The following PTPRM variants were observed in gnomAD, a reference collection of about 807,000 sequenced individuals.
PTPRM encodes receptor-type tyrosine-protein phosphatase mu.
PTPRM carries 47 observed loss-of-function variants against 186.7 expected under a neutral mutation model. The ratio of observed to expected loss-of-function variants is 0.25; its 90% CI spans 0.20 to 0.32. The LOEUF is 0.32. Ranked by LOEUF, PTPRM falls within the 10% of genes least tolerant of loss-of-function variation. PTPRM has a pLI of 1.00. For synonymous variants in PTPRM, 668 were observed against 674.9 expected (o/e 0.99, Z 0.16); for missense variants, 1,494 against 1,865.0 (o/e 0.80, Z 3.66).
At chr18:7,624,995 C>T (rs185047294) in intron 1 of PTPRM, among the ~76,000 whole-genome samples, 1 of 152,308 alleles carries the variant, frequency 6.6e-6, no homozygotes, top group African/African-American at 2.4e-5. Flanking sequence ...GCTGTTCCTC[C>T]ATTAGCTACT....
At chr18:7,893,438 A>G (rs544782209) in intron 3 of PTPRM, among the ~76,000 whole-genome samples, 27 of 152,338 alleles carry the variant, frequency 1.8e-4, no homozygotes, top group Middle Eastern at 3.4e-3. Context: ...TATAATGAAA[A>G]TAAAAAGCCC....
chr18:7,866,384 G>A (rs77926093), intron 2 of PTPRM, among the ~76,000 whole-genome samples: 1 of 152,114 alleles, frequency 6.6e-6, no homozygotes, highest in Non-Finnish European at 1.5e-5. Context: ...CTGGTATGTT[G>A]TGTCTGTGTT....
At chr18:8,124,010 T>C (rs2092262853) in intron 13 of PTPRM, among the ~76,000 whole-genome samples, 1 of 152,196 alleles carries the variant, frequency 6.6e-6, no homozygotes, top group Non-Finnish European at 1.5e-5. Flanking sequence ...GTTTTCACTC[T>C]AAAACTCGCC....
At chr18:8,244,293 A>G (rs2094458026) in intron 15 of PTPRM, 84 bp downstream of exon 15, 1 of 1,345,616 alleles carries the variant, frequency 7.4e-7, no homozygotes, top group Non-Finnish European at 9.8e-7. Flanking sequence ...TCAAAAAAAA[A>G]AAAAGCTTCC....
At chr18:8,104,001 A>G (rs897771453) in intron 11 of PTPRM, among the ~76,000 whole-genome samples, 1 of 152,226 alleles carries the variant, frequency 6.6e-6, no homozygotes, top group Non-Finnish European at 1.5e-5. Flanking sequence ...TGGCTGTCTT[A>G]TATGGACACA....
chr18:7,983,300 A>G (rs1249577364), intron 7 of PTPRM, among the ~76,000 whole-genome samples: 1 of 152,042 alleles, frequency 6.6e-6, no homozygotes, highest in Non-Finnish European at 1.5e-5. Context: ...CCTTAGGAGA[A>G]TCTAGTGCCT....
At chr18:8,101,246 A>G (rs2091278503) in intron 11 of PTPRM, among the ~76,000 whole-genome samples, 1 of 152,248 alleles carries the variant, frequency 6.6e-6, no homozygotes, top group African/African-American at 2.4e-5. Context: ...AAAGGTAATA[A>G]TAATATCTAC....
At chr18:8,081,743 C>A (rs1472202034) in intron 9 of PTPRM, among the ~76,000 whole-genome samples, 3 of 152,104 alleles carry the variant, frequency 2.0e-5, no homozygotes, top group Non-Finnish European at 2.9e-5. Context: ...GTGGATGGGT[C>A]TGAGATGGGG....
intron 19 of PTPRM, among the ~76,000 whole-genome samples, chr18:8,276,114 A>G (rs2094831881): frequency 6.6e-6 from 1 of 151,976 alleles, no homozygotes; most frequent in Non-Finnish European, 1.5e-5. Flanking sequence ...TGGTTCCACT[A>G]GGACCAGCTC....
chr18:7,677,150 G>A (rs1471448287), intron 1 of PTPRM, among the ~76,000 whole-genome samples: 1 of 152,002 alleles, frequency 6.6e-6, no homozygotes, highest in Non-Finnish European at 1.5e-5. Context: ...ATGCAACAGT[G>A]GTGTAAAACC....
chr18:8,001,162 C>T (rs2083849505), intron 7 of PTPRM, among the ~76,000 whole-genome samples: 1 of 152,202 alleles, frequency 6.6e-6, no homozygotes, highest in South Asian at 2.1e-4. Flanking sequence ...GCTGTACCAC[C>T]TCTTGCTGTC....
intron 1 of PTPRM, among the ~76,000 whole-genome samples, chr18:7,648,459 C>T (rs919783409): frequency 6.6e-6 from 1 of 152,052 alleles, no homozygotes; most frequent in African/African-American, 2.4e-5. Flanking sequence ...TGTTGAAAGC[C>T]GAGATAGGCA....
At chr18:8,141,728 A>C (rs1481157449) in intron 13 of PTPRM, among the ~76,000 whole-genome samples, 1 of 152,188 alleles carries the variant, frequency 6.6e-6, no homozygotes, top group Non-Finnish European at 1.5e-5. Context: ...GGAAATATAC[A>C]TGGAGAGCCA....
At chr18:8,218,983 G>A (rs951075404) in intron 14 of PTPRM, among the ~76,000 whole-genome samples, 3 of 152,172 alleles carry the variant, frequency 2.0e-5, no homozygotes, top group African/African-American at 7.2e-5. Context: ...GAGGGAAACT[G>A]ATGGAGCTCT....
intron 13 of PTPRM, among the ~76,000 whole-genome samples, chr18:8,137,332 C>T (rs1035452928): frequency 6.6e-6 from 1 of 152,208 alleles, no homozygotes; most frequent in Non-Finnish European, 1.5e-5. Context: ...ACATTGAACC[C>T]AACACACAGC....
intron 4 of PTPRM, among the ~76,000 whole-genome samples, chr18:7,916,715 G>A (rs1164507443): frequency 1.4e-4 from 22 of 152,140 alleles, no homozygotes; most frequent in Non-Finnish European, 4.4e-5. Flanking sequence ...TTTGAAACAT[G>A]TATACAATGT....
chr18:7,893,621 TG>T (rs2049191224), intron 3 of PTPRM, among the ~76,000 whole-genome samples: 1 of 152,206 alleles, frequency 6.6e-6, no homozygotes, highest in Non-Finnish European at 1.5e-5. Context: ...AAAACCCACT[TG>T]TTTGTTTAAT....
intron 7 of PTPRM, among the ~76,000 whole-genome samples, chr18:8,055,285 C>T (rs1046690872): frequency 6.6e-6 from 1 of 152,026 alleles, no homozygotes; most frequent in African/African-American, 2.4e-5. Context: ...TAATTTTGCC[C>T]TCCATCTTCC....
At chr18:7,802,725 A>G (rs2044036962) in intron 2 of PTPRM, among the ~76,000 whole-genome samples, 1 of 152,206 alleles carries the variant, frequency 6.6e-6, no homozygotes, top group African/African-American at 2.4e-5. Flanking sequence ...TAAGAAAGCT[A>G]GTATATTTCA....
Sources: gnomAD v4.1 joint callset for allele counts (sites outside exome capture counted in the v4.1 genomes callset) on GRCh38, gnomAD v4.1.1 for gene constraint, MANE v1.5 for transcripts, NCBI Gene and HGNC (gene_info 2026-07-23, HGNC 2026-07-21) for gene names.